TRIB3: variants seen among roughly 807,000 people sequenced by gnomAD.
The protein encoded by TRIB3 is tribbles homolog 3.
TRIB3 carries 20 observed loss-of-function variants against 16.6 expected under a neutral mutation model. The ratio of observed to expected loss-of-function variants is 1.20; its 90% CI spans 0.85 to 1.75. The LOEUF (loss-of-function observed/expected upper bound fraction) is 1.75, where lower values mean the gene tolerates loss of function less well. TRIB3 is among the 40% of genes most tolerant of loss of function. The pLI is 0.00. For synonymous variants in TRIB3, 208 were observed against 217.0 expected, an observed-to-expected ratio of 0.96 and a Z score of 0.36; for missense variants, 484 against 488.9, an observed-to-expected ratio of 0.99 and a Z score of 0.10.
rs1434293771 is a variant in TRIB3, at chr20:387,922, A to AATGTTGTGCAT, written c.1-80_1-79insATATGTTGTGC. 2.0e-6 allele frequency: 3 copies of AATGTTGTGCAT among 1,464,650 alleles called. No individual in the cohort carries two copies. In the African/African-American group the frequency reaches 4.2e-5, roughly 20 times the overall value. 90.7% of individuals were successfully genotyped at this position (1,464,650 alleles called of 1,614,324 possible). ...ACACACTGCCAGATCACCCCCTATA[A>AATGTTGTGCAT]ATGTTGTGCCACGTATCCTCCCACC... is the stretch of plus-strand genomic sequence containing the variant. On this transcript the variant is annotated intron_variant, in intron 1 of 3. Transcript: ENST00000217233.
rs1374807981 is a variant in TRIB3, at chr20:381,133, C to A, written c.-37C>A. ...CTGGTGCCCTGGAGGCTCTGAGCCC[C>A]GGCGGCGCCCGGGCCCACGCGGAAC... On this transcript the variant is annotated 5_prime_UTR_variant, in exon 1 of 4. Coordinates refer to ENST00000217233, the MANE Select transcript of TRIB3 (RefSeq NM_021158.5). The A allele has an allele frequency of 6.8e-6, 1 of 148,068 alleles. No homozygotes were observed. Among genetic ancestry groups the A allele is most frequent in the Non-Finnish European group, 1.5e-5 (1 of 66,936 alleles). The allele number at this position is 148,068 out of a possible 1,614,324, so 9.2% of individuals were successfully genotyped here.
intron 3 of TRIB3, among the ~76,000 whole-genome samples, chr20:392,204 A>G (rs1399648771): frequency 6.6e-6 from 1 of 152,108 alleles, no homozygotes; most frequent in Admixed American, 6.6e-5. Context: ...TGATCAAGGA[A>G]ACTGAGGCCC....
At chr20:390,668 G>A (rs1281286833) in intron 2 of TRIB3, among the ~76,000 whole-genome samples, 1 of 152,138 alleles carries the variant, frequency 6.6e-6, no homozygotes, top group Non-Finnish European at 1.5e-5. Context: ...TTACTTTTCA[G>A]TTATCCGATG....
In TRIB3 at chr20:397,496, T is replaced by G. The variant is rs765784366; in HGVS notation, c.*806T>G. 1 of 152,200 alleles carries G rather than the reference T, an allele frequency of 6.6e-6. No individual in the cohort carries two copies. Among genetic ancestry groups the G allele is most frequent in the Non-Finnish European group, 1.5e-5 (1 of 68,036 alleles). The allele number at this position is 152,200 out of a possible 1,614,324, so 9.4% of individuals were successfully genotyped here. ...GGTCCACAATCCCAGGTCCATACTCTAGGTTTTGGATACCATGAGTATGTA... is the reference window on the plus strand; with the variant it reads ...GGTCCACAATCCCAGGTCCATACTCGAGGTTTTGGATACCATGAGTATGTA... On this transcript the variant is annotated 3_prime_UTR_variant, in exon 4 of 4. Transcript: ENST00000217233.
chr20:387,306 C>T (rs1003703443), intron 1 of TRIB3, among the ~76,000 whole-genome samples: 4 of 151,984 alleles, frequency 2.6e-5, no homozygotes, highest in African/African-American at 9.7e-5. Context: ...ACCCTGAGGT[C>T]GAGGCTGCAA....
chr20:386,760 A>G (rs1287213960), intron 1 of TRIB3, among the ~76,000 whole-genome samples: 1 of 152,000 alleles, frequency 6.6e-6, no homozygotes, highest in Admixed American at 6.6e-5. Context: ...TTTAGTAGAG[A>G]TGGGGTTTCA....
Position 384,768 on chromosome 20 carries a change from C to T in TRIB3, c.1-3243C>T, listed in dbSNP as rs1368218583. Among the ~76,000 whole-genome samples the T allele has an allele frequency of 5.3e-5, 8 of 152,200 alleles. No homozygotes were observed. The East Asian group carries it at 1.3e-3, about 26-fold the overall frequency. ...CTCTCTTGCTCTACTGTATGTGGTA[C>T]TTCTGAAGCCAAGGTAGATGCTGGA... On this transcript the variant is annotated intron_variant, in intron 1 of 3. Transcript: ENST00000217233.
At chr20:383,996 C>T (rs2014727589) in intron 1 of TRIB3, among the ~76,000 whole-genome samples, 1 of 152,036 alleles carries the variant, frequency 6.6e-6, no homozygotes, top group Non-Finnish European at 1.5e-5. Flanking sequence ...AAGGCTGGAC[C>T]TCACCTCGAT....
intron 3 of TRIB3, among the ~76,000 whole-genome samples, chr20:392,968 C>T (rs986171740): frequency 1.6e-4 from 24 of 152,174 alleles, no homozygotes; most frequent in African/African-American, 5.8e-4. Flanking sequence ...TCAGGGAGTG[C>T]ACTAAGCTGC....
intron 2 of TRIB3, among the ~76,000 whole-genome samples, chr20:389,588 G>T (rs1450977726): frequency 6.6e-6 from 1 of 152,110 alleles, no homozygotes; most frequent in South Asian, 2.1e-4. Context: ...GATCTCCAGC[G>T]CCCTTACCAG....
chr20:381,805 C>T (rs1246408914), intron 1 of TRIB3, among the ~76,000 whole-genome samples: 6 of 152,172 alleles, frequency 3.9e-5, no homozygotes, highest in Non-Finnish European at 8.8e-5. Context: ...CCCGGCAGGG[C>T]CGCTGGTTCT....
Position 386,720 on chromosome 20 carries a change from A to ATG in TRIB3, c.1-1291_1-1290insTG, listed in dbSNP as rs2014821718. ...CCCAAGTAGCTGGGATTACAGGCCC[A>ATG]CGCCACCACGCCTGGCTAATTTTTC... On this transcript the variant is annotated intron_variant, in intron 1 of 3. Coordinates refer to ENST00000217233, the MANE Select transcript of TRIB3 (RefSeq NM_021158.5). Among the ~76,000 whole-genome samples the ATG allele has an allele frequency of 3.3e-5, 5 of 151,874 alleles. No individual in the cohort carries two copies. The South Asian group carries it at 1.0e-3, about 32-fold the overall frequency.
chr20:394,386 G>GT (rs2015070302), intron 3 of TRIB3, among the ~76,000 whole-genome samples: 2 of 152,128 alleles, frequency 1.3e-5, no homozygotes, highest in Admixed American at 1.3e-4. Context: ...TTTTAAAGAA[G>GT]TAACATTTAT....
chr20:387,008 C>T (rs938363210), intron 1 of TRIB3, among the ~76,000 whole-genome samples: 1 of 152,078 alleles, frequency 6.6e-6, no homozygotes, highest in Non-Finnish European at 1.5e-5. Flanking sequence ...ACCTTGGCCT[C>T]CCAAAGTGCT....
chr20:390,865 G>A (rs148049437), intron 2 of TRIB3, among the ~76,000 whole-genome samples: 158 of 152,116 alleles, frequency 1.0e-3, no homozygotes, highest in African/African-American at 3.6e-3. Flanking sequence ...AGCTAGGTGC[G>A]GTGGCACATG....
rs150466961 is a variant in TRIB3, at chr20:388,302, G to A, written c.291+1G>A. ...TACAGGCACTGAGTATACCTGCAAGGTACGTGCCCATGGGCGGCTGTCCCC... is the reference window on the plus strand; with the variant it reads ...TACAGGCACTGAGTATACCTGCAAGATACGTGCCCATGGGCGGCTGTCCCC... On this transcript the variant is annotated splice_donor_variant, in intron 2 of 3. Coordinates refer to ENST00000217233, the MANE Select transcript of TRIB3 (RefSeq NM_021158.5). LOFTEE classifies it high-confidence loss of function. The A allele has an allele frequency of 2.5e-6, 4 of 1,596,570 alleles. No individual in the cohort carries two copies. In the African/African-American group the frequency reaches 4.0e-5, roughly 16 times the overall value.
At chr20:382,286 T>C in intron 1 of TRIB3, 1 of 483,968 alleles carries the variant, frequency 2.1e-6, no homozygotes, top group Non-Finnish European at 3.8e-6. Flanking sequence ...GCCCAAGATG[T>C]ATAGACTCAG....
At chr20:385,612 A>AG (rs1197956067) in intron 1 of TRIB3, 1 of 151,968 alleles carries the variant, frequency 6.6e-6, no homozygotes, top group African/African-American at 2.4e-5. Context: ...CTTTGGGAGT[A>AG]GGGCCCAGCA....
intron 1 of TRIB3, among the ~76,000 whole-genome samples, chr20:386,301 G>A (rs1314526059): frequency 6.6e-6 from 1 of 152,152 alleles, no homozygotes; most frequent in Non-Finnish European, 1.5e-5. Context: ...ATCTGTGAAT[G>A]TACGAGAGCC....
Sources: gnomAD v4.1 joint callset for allele counts (sites outside exome capture counted in the v4.1 genomes callset) on GRCh38, gnomAD v4.1.1 for gene constraint, MANE v1.5 for transcripts, NCBI Gene and HGNC (gene_info 2026-07-23, HGNC 2026-07-21) for gene names.